Variants in POC5 observed in about 807,000 individuals in gnomAD.
POC5 encodes centrosomal protein POC5.
Under a neutral mutation model 62.9 loss-of-function variants are expected in POC5, and 48 were observed. The ratio of observed to expected loss-of-function variants is 0.76; its 90% CI spans 0.61 to 0.97. The LOEUF (loss-of-function observed/expected upper bound fraction) is 0.97. Ranked by LOEUF, POC5 falls within the 50% of genes least tolerant of loss-of-function variation. The probability of loss-of-function intolerance (pLI) is 0.00; values close to 1 mark genes in which losing one functional copy is unlikely to be tolerated. For missense variants in POC5, 696 were observed against 679.5 expected (o/e 1.02, Z -0.27); for synonymous variants, 236 against 228.2 (o/e 1.03, Z -0.31).
At chr5:75,716,838 T>C (rs1742607544) in intron 1 of POC5, among the ~76,000 whole-genome samples, 1 of 151,986 alleles carries the variant, frequency 6.6e-6, no homozygotes. Context: ...ACATGCAAAC[T>C]AGCAGCAGGG....
rs1775570093 is a variant in POC5 at position 75,674,315 on chromosome 5, G to C, written c.*120C>G. 1 of 996,498 alleles carries C rather than the reference G, an allele frequency of 1.0e-6. No homozygotes were observed. Among genetic ancestry groups the C allele is most frequent in the Middle Eastern group, 2.3e-4 (1 of 4,384 alleles). The allele number at this position is 996,498 out of a possible 1,614,324, so 61.7% of individuals were successfully genotyped here. ...GCTTGAAAAAGCCTCTTGTAATTTT[G>C]AACAGATGAACATGATGTCTCCATG... On this transcript the variant is annotated 3_prime_UTR_variant, in exon 12 of 12. Coordinates refer to ENST00000428202, the MANE Select transcript of POC5 (RefSeq NM_001099271.2).
At chr5:75,702,555 T>C in intron 5 of POC5, 50 bp downstream of exon 5, 2 of 1,516,782 alleles carry the variant, frequency 1.3e-6, no homozygotes, top group Non-Finnish European at 8.9e-7. Context: ...AGAGTAAAAC[T>C]ATTACATTAC....
At chr5:75,681,847 T>C (rs1026795400) in intron 10 of POC5, among the ~76,000 whole-genome samples, 3 of 152,160 alleles carry the variant, frequency 2.0e-5, no homozygotes, top group African/African-American at 7.2e-5. Context: ...TGCAAATCTC[T>C]CTCTTCTTTT....
At position 75,702,770 on chromosome 5, in the gene POC5, T is replaced by C. The variant is rs529036043; in HGVS notation, c.348A>G (p.Pro116=). The change falls in exon 5 of 12, where the codon CCA becomes CCG. Residue 116 remains proline (P), a synonymous_variant. Coordinates refer to ENST00000428202, the MANE Select transcript of POC5 (RefSeq NM_001099271.2). The part of the protein sequence containing the change: ...PVLSPRKPSH[P]VMDFFSSHLL... ...GATGTGAACTGAAAAAATCCATGAC[T>C]GGGTGAGAAGGCTTCCTTGGCGATA... 1.3e-6 allele frequency: 2 copies of C among 1,593,590 alleles called. No homozygotes were observed. Among genetic ancestry groups the C allele is most frequent in the Admixed American group, 1.8e-5 (1 of 56,574 alleles).
rs1462189468 is a variant in POC5, at chr5:75,692,409, C to G, written c.782G>C (p.Arg261Thr). The G allele has an allele frequency of 6.3e-7, 1 of 1,590,342 alleles. No homozygotes were observed. The highest frequency in any genetic ancestry group is 1.7e-5 in the Admixed American group (1 of 57,204). ...TTTGACACTTACATCCTGTCTGGCT[C>G]TGACATGGCCGATTCGCCAGTGGAA... ...TFFHWRIGHV[R>T]ARQDVYEGKL... Residue 261 changes from arginine (R) to threonine (T), a missense_variant, in exon 7 of 12, where the codon AGA (arginine) becomes ACA (threonine). Transcript: ENST00000428202.
At chr5:75,707,299 A>G (rs532246053) in intron 3 of POC5, among the ~76,000 whole-genome samples, 1 of 152,340 alleles carries the variant, frequency 6.6e-6, no homozygotes, top group African/African-American at 2.4e-5. Context: ...TTATTCAAAC[A>G]GTCCTCCATG....
intron 10 of POC5, among the ~76,000 whole-genome samples, chr5:75,679,762 AAGAG>A (rs1225282118): frequency 6.6e-6 from 1 of 152,154 alleles, no homozygotes; most frequent in South Asian, 2.1e-4. Context: ...AAGGAAAGTG[AAGAG>A]AGAGAGAAGG....
chr5:75,700,568 T>A (rs1485837625), intron 5 of POC5, among the ~76,000 whole-genome samples: 1 of 150,230 alleles, frequency 6.7e-6, no homozygotes, highest in African/African-American at 2.4e-5. Context: ...AAAAATCAAT[T>A]CAAGATGGAT....
intron 5 of POC5, among the ~76,000 whole-genome samples, chr5:75,697,618 C>G (rs1289218094): frequency 6.6e-6 from 1 of 152,006 alleles, no homozygotes; most frequent in Non-Finnish European, 1.5e-5. Flanking sequence ...AATGTAAAGA[C>G]CATCGAGACT....
At chr5:75,715,269 C>T (rs1370642221) in intron 1 of POC5, among the ~76,000 whole-genome samples, 4 of 145,706 alleles carry the variant, frequency 2.7e-5, no homozygotes, top group Non-Finnish European at 5.9e-5. Context: ...AAGATCGCGC[C>T]GCTGCACTCC....
At chr5:75,698,530 A>T (rs117252103) in intron 5 of POC5, among the ~76,000 whole-genome samples, 36,924 of 151,724 alleles carry the variant, frequency 0.24, 4,654 homozygotes, top group South Asian at 0.32. Context: ...GAGAACAAAG[A>T]CACATCATAC....
intron 4 of POC5, among the ~76,000 whole-genome samples, chr5:75,704,912 C>G (rs1429412615): frequency 1.3e-5 from 2 of 152,124 alleles, no homozygotes; most frequent in Non-Finnish European, 2.9e-5. Flanking sequence ...TTTAAAAGTT[C>G]TTTAAAGCCA....
At chr5:75,693,659 G>T (rs117166419) in intron 6 of POC5, among the ~76,000 whole-genome samples, 2 of 152,000 alleles carry the variant, frequency 1.3e-5, no homozygotes, top group African/African-American at 4.8e-5. Flanking sequence ...AATTTTATAC[G>T]AAATCAAGGT....
At chr5:75,706,601 T>C (rs1482636553) in intron 3 of POC5, among the ~76,000 whole-genome samples, 1 of 152,048 alleles carries the variant, frequency 6.6e-6, no homozygotes, top group Admixed American at 6.6e-5. Context: ...TCTTGCTCTG[T>C]TGCCTAGGCT....
chr5:75,703,374 T>C (rs988016457), intron 4 of POC5, among the ~76,000 whole-genome samples: 1 of 152,146 alleles, frequency 6.6e-6, no homozygotes, highest in African/African-American at 2.4e-5. Context: ...ATGCCTGTAA[T>C]CCTAGCACTT....
intron 10 of POC5, 37 bp downstream of exon 10, chr5:75,685,170 C>G: frequency 6.4e-7 from 1 of 1,554,892 alleles, no homozygotes; most frequent in Non-Finnish European, 8.7e-7. Context: ...CCTGGCCGCC[C>G]TTTTCATAAG....
At chr5:75,711,251 T>C (rs1580065096) in intron 2 of POC5, among the ~76,000 whole-genome samples, 1 of 152,280 alleles carries the variant, frequency 6.6e-6, no homozygotes, top group East Asian at 1.9e-4. Context: ...CTGTTAACAT[T>C]CAAAACTTGT....
At chr5:75,685,810 A>T (rs1228952071) in intron 9 of POC5, among the ~76,000 whole-genome samples, 1 of 152,180 alleles carries the variant, frequency 6.6e-6, no homozygotes, top group Non-Finnish European at 1.5e-5. Flanking sequence ...TGTCACAAAA[A>T]ATATGATCAC....
At position 75,685,283 on chromosome 5, in the gene POC5, G is replaced by T. The variant is rs749750536; in HGVS notation, c.1331C>A (p.Ala444Asp). The T allele has an allele frequency of 1.9e-6, 3 of 1,614,038 alleles. No homozygotes were observed. The highest frequency in any genetic ancestry group is 3.3e-5 in the Admixed American group (2 of 60,026). ...AGGAACGTGAACAGAAGATGCGGAA[G>T]CAGCCCTGGTAGAAGTCATCGAAGC... The part of the protein sequence containing the change: ...SAASMTSTRA[A>D]SASSVHVPVS... The change falls in exon 10 of 12, where the codon GCT (alanine) becomes GAT (aspartate). Residue 444 changes from alanine to aspartate, a missense_variant. Ala to Asp is a moderately radical substitution (Grantham distance 126). Transcript: ENST00000428202.
Sources: allele counts gnomAD v4.1 joint callset (sites outside exome capture counted in the v4.1 genomes callset), GRCh38; gene constraint gnomAD v4.1.1; transcripts MANE v1.5; gene names NCBI Gene and HGNC (gene_info 2026-07-23, HGNC 2026-07-21).